The following MPP2 variants were observed in gnomAD, a reference collection of about 807,000 sequenced individuals.
The protein encoded by MPP2 is MAGUK p55 subfamily member 2.
A neutral mutation model predicts 58.5 loss-of-function variants in MPP2; 42 were observed. That is an observed-to-expected ratio of 0.72 (90% confidence interval 0.56 to 0.93). The LOEUF (loss-of-function observed/expected upper bound fraction) is 0.93, where lower values mean the gene tolerates loss of function less well. MPP2 is among the 40% of genes least tolerant of loss of function. MPP2 has a pLI of 0.00. For missense variants in MPP2, 632 were observed against 760.4 expected (o/e 0.83, Z 1.99); for synonymous variants, 300 against 307.8 (o/e 0.97, Z 0.26).
chr17:43,880,072 G>C lies in MPP2; in HGVS notation c.1151-88C>G, dbSNP rs1027492699. On this transcript the variant is annotated intron_variant, in intron 10 of 12. Coordinates refer to ENST00000269095, the MANE Select transcript of MPP2 (RefSeq NM_005374.5). The surrounding 1 kb of genome is among the most constrained non-coding windows in gnomAD (Gnocchi z 5.2). ...TATATGCACCCCTACCCAGGCCCCC[G>C]TTTCCCAGCCTTGGAGGTGCAGTCT... 1.5e-6 allele frequency: 2 copies of C among 1,318,602 alleles called. No homozygotes were observed. The highest frequency in any genetic ancestry group is 2.9e-5 in the African/African-American group (2 of 69,008). The allele number at this position is 1,318,602 out of a possible 1,614,324, so 81.7% of individuals were successfully genotyped here.
chr17:43,882,736 T>C (rs79993369), intron 5 of MPP2, among the ~76,000 whole-genome samples, 167 bp downstream of exon 5: 2,479 of 152,164 alleles, frequency 0.016, 63 homozygotes, highest in African/African-American at 0.055. Flanking sequence ...GCAGTGTCTA[T>C]GGTCTCCTGG....
chr17:43,887,887 C>T (rs550778290), intron 3 of MPP2, among the ~76,000 whole-genome samples: 3 of 151,980 alleles, frequency 2.0e-5, no homozygotes, highest in South Asian at 2.1e-4. Context: ...AGTTTATATA[C>T]ACAATGAAAC....
At position 43,904,441 on chromosome 17, in the gene MPP2, T is replaced by C. The variant is rs761102566; in HGVS notation, c.20A>G (p.Asn7Ser). 6 of 1,613,638 alleles carry C rather than the reference T, an allele frequency of 3.7e-6. No individual in the cohort carries two copies. The highest frequency in any genetic ancestry group is 5.1e-6 in the Non-Finnish European group (6 of 1,179,776). ...CACCCCCTTCTTACCAGTTTCAGAGTTGGTGGCGGCAACCGGCATGGTGAA... is the reference window on the plus strand; with the variant it reads ...CACCCCCTTCTTACCAGTTTCAGAGCTGGTGGCGGCAACCGGCATGGTGAA... MPVAAT[N>S]SETAMQQVLD... The change falls in exon 2 of 13, where the codon AAC (asparagine) becomes AGC (serine). Residue 7 changes from asparagine to serine, a missense_variant. Physicochemically the swap from Asn to Ser is conservative, Grantham distance 46. Coordinates refer to ENST00000269095, the MANE Select transcript of MPP2 (RefSeq NM_005374.5).
rs1287720626 is a variant in MPP2 at position 43,879,990 on chromosome 17, G to A, written c.1151-6C>T. On this transcript the variant is annotated splice_polypyrimidine_tract_variant and splice_region_variant and intron_variant, in intron 10 of 12. Coordinates refer to ENST00000269095, the MANE Select transcript of MPP2 (RefSeq NM_005374.5). The surrounding 1 kb of genome is among the most constrained non-coding windows in gnomAD (Gnocchi z 4.1). ...TTTCGGCCGCCGGGAGGTGTCTAGG[G>A]GGATGGGGGTAGGTTGGACCAAATG... The A allele has an allele frequency of 1.2e-6, 2 of 1,613,934 alleles. No homozygotes were observed. Among genetic ancestry groups the A allele is most frequent in the East Asian group, 2.2e-5 (1 of 44,870 alleles).
At chr17:43,909,648 C>T, upstream of MPP2, 1 of 1,423,134 alleles carries the variant, frequency 7.0e-7, no homozygotes, top group Non-Finnish European at 9.2e-7. Context: ...ACTCATTATT[C>T]TTAGCGGCTG....
chr17:43,883,777 G>T (rs2047249230), intron 3 of MPP2, among the ~76,000 whole-genome samples: 4 of 152,104 alleles, frequency 2.6e-5, no homozygotes, highest in African/African-American at 9.7e-5. Context: ...CTTTCCCAGG[G>T]TCAATGGGAC....
chr17:43,907,439 G>C (rs2090873654), intron 1 of MPP2, 35 bp downstream of exon 1: 1 of 985,574 alleles, frequency 1.0e-6, no homozygotes, highest in Admixed American at 6.1e-5. Context: ...GAGGTCTTGG[G>C]ATAGGAGCTG....
chr17:43,880,629 C>A lies in MPP2; in HGVS notation c.1150+62G>T. 1 of 1,526,272 alleles carries A rather than the reference C, an allele frequency of 6.6e-7. No individual in the cohort carries two copies. Among genetic ancestry groups the A allele is most frequent in the South Asian group, 1.3e-5 (1 of 78,532 alleles). The allele number at this position is 1,526,272 out of a possible 1,614,324, so 94.5% of individuals were successfully genotyped here. A position where few individuals can be genotyped will look rare whatever the true frequency, so the allele number is the denominator to read the frequency against. ...GAAGATGCCCATTCGGTGGGCCCAGCCCTGGCCCCAGGGGAGCCCTGCTCC... is the reference window on the plus strand; with the variant it reads ...GAAGATGCCCATTCGGTGGGCCCAGACCTGGCCCCAGGGGAGCCCTGCTCC... On this transcript the variant is annotated intron_variant, in intron 10 of 12. Coordinates refer to ENST00000269095, the MANE Select transcript of MPP2 (RefSeq NM_005374.5). The surrounding 1 kb of genome is among the most constrained non-coding windows in gnomAD (Gnocchi z 5.2).
intron 3 of MPP2, among the ~76,000 whole-genome samples, chr17:43,886,378 A>T (rs4417584): frequency 5.9e-5 from 9 of 151,740 alleles, no homozygotes; most frequent in African/African-American, 1.9e-4. Flanking sequence ...TCTGCCTCCC[A>T]GGTTGGGATT....
chr17:43,891,945 T>A (rs1490694164), intron 3 of MPP2, among the ~76,000 whole-genome samples: 5 of 152,092 alleles, frequency 3.3e-5, no homozygotes, highest in Non-Finnish European at 7.4e-5. Flanking sequence ...TAGTAACAAT[T>A]TTTCTGAATT....
chr17:43,895,209 G>A (rs1365098006), intron 3 of MPP2, among the ~76,000 whole-genome samples: 1 of 151,944 alleles, frequency 6.6e-6, no homozygotes, highest in Non-Finnish European at 1.5e-5. Context: ...GACCTACCCA[G>A]CTCAAGCAAC....
intron 1 of MPP2, chr17:43,907,136 C>CG: frequency 1.0e-6 from 1 of 977,608 alleles, no homozygotes; most frequent in Non-Finnish European, 1.2e-6. Context: ...TACGTAATGC[C>CG]GGGCTTCTAA....
rs2047933452 is a variant in MPP2 at position 43,898,251 on chromosome 17, G to C, written c.150+11C>G. 2 of 1,606,224 alleles carry C rather than the reference G, an allele frequency of 1.2e-6. No individual in the cohort carries two copies. The highest frequency in any genetic ancestry group is 8.5e-7 in the Non-Finnish European group (1 of 1,172,864). On this transcript the variant is annotated intron_variant, in intron 3 of 12. Transcript: ENST00000269095. ...CAGTGCCCTTGTGCCCACCTCCCTG[G>C]AGCACTGTACCTTGGCCAGGGATCT...
chr17:43,907,335 G>C (rs1442956488), intron 1 of MPP2, 139 bp downstream of exon 1: 16 of 985,528 alleles, frequency 1.6e-5, no homozygotes, highest in Non-Finnish European at 1.8e-5. Flanking sequence ...GGGGCGGGTG[G>C]ACAGGGAGGG....
At position 43,882,302 on chromosome 17, in the gene MPP2, C is replaced by T; in HGVS notation, c.663G>A (p.Glu221=). The T allele has an allele frequency of 6.2e-7, 1 of 1,611,124 alleles. No individual in the cohort carries two copies. The highest frequency in any genetic ancestry group is 8.5e-7 in the Non-Finnish European group (1 of 1,179,580). Residue 221 remains glutamate (E), a synonymous_variant, in exon 6 of 13, where the codon GAG becomes GAA. Transcript: ENST00000269095. ...GGCCCACCTGGCGGGGCAGATGGGGCTCCTGGTAGCTGGGCAGGATCTTGA... is the reference window on the plus strand; with the variant it reads ...GGCCCACCTGGCGGGGCAGATGGGGTTCCTGGTAGCTGGGCAGGATCTTGA... The part of the protein sequence containing the change: ...VILKILPSYQ[E]PHLPRQVFVK...
Position 43,880,026 on chromosome 17 carries a change from G to A in MPP2, c.1151-42C>T. The stretch of plus-strand genomic sequence containing the variant: ...AGGTTGGACCAAATGGGCAGGGGCA[G>A]GTTACAGTGCCTCAGACACATATAT... On this transcript the variant is annotated intron_variant, in intron 10 of 12. Coordinates refer to ENST00000269095, the MANE Select transcript of MPP2 (RefSeq NM_005374.5). The surrounding 1 kb of genome is among the most constrained non-coding windows in gnomAD (Gnocchi z 5.2). 6.3e-7 allele frequency: 1 copy of A among 1,594,934 alleles called. No individual in the cohort carries two copies. The highest frequency in any genetic ancestry group is 1.1e-5 in the South Asian group (1 of 90,602).
At chr17:43,900,515 C>A (rs2048045287) in intron 2 of MPP2, 1 of 1,516,890 alleles carries the variant, frequency 6.6e-7, no homozygotes, top group South Asian at 1.2e-5. Context: ...CAGGGATATA[C>A]CCTCCAAGGA....
intron 2 of MPP2, chr17:43,900,463 T>G: frequency 7.2e-6 from 8 of 1,104,188 alleles, no homozygotes; most frequent in Non-Finnish European, 1.0e-5. Context: ...TGGCCCGCCC[T>G]TCCCTACCTT....
At chr17:43,892,585 T>G (rs1265436423) in intron 3 of MPP2, among the ~76,000 whole-genome samples, 4 of 152,036 alleles carry the variant, frequency 2.6e-5, no homozygotes, top group African/African-American at 9.7e-5. Context: ...TTTATGGAGA[T>G]TCACTTCCTG....
Sources: gnomAD v4.1 joint callset for allele counts (sites outside exome capture counted in the v4.1 genomes callset) on GRCh38, gnomAD v4.1.1 for gene constraint, Gnocchi (gnomAD v3.1) non-coding constraint, MANE v1.5 for transcripts, NCBI Gene and HGNC (gene_info 2026-07-23, HGNC 2026-07-21) for gene names.